GNAT3: variants seen among roughly 807,000 people sequenced by gnomAD.
The protein encoded by GNAT3 is G protein subunit alpha transducin 3.
A neutral mutation model predicts 37.7 loss-of-function variants in GNAT3; 31 were observed. The observed-to-expected ratio is 0.82, with a 90% CI of 0.62 to 1.11. GNAT3 has a LOEUF of 1.11. Ranked by LOEUF, GNAT3 falls within the 50% of genes most tolerant of loss-of-function variation. The pLI, the probability that GNAT3 is intolerant of heterozygous loss-of-function variation, is 0.00. For missense variants in GNAT3, 437 were observed against 412.5 expected (o/e 1.06, Z -0.51); for synonymous variants, 138 against 139.8 (o/e 0.99, Z 0.09).
At chr7:80,510,467 A>G (rs933631440) in intron 1 of GNAT3, among the ~76,000 whole-genome samples, 1 of 152,218 alleles carries the variant, frequency 6.6e-6, no homozygotes, top group Non-Finnish European at 1.5e-5. Context: ...CAAAAGGAAT[A>G]TAAAAATGAA....
chr7:80,459,920 A>G (rs987162036), intron 7 of GNAT3, among the ~76,000 whole-genome samples: 2 of 152,222 alleles, frequency 1.3e-5, no homozygotes, highest in African/African-American at 2.4e-5. Flanking sequence ...TTGAAAGGCA[A>G]TTTGGCAGTT....
intron 1 of GNAT3, among the ~76,000 whole-genome samples, chr7:80,510,904 A>G (rs556018732): frequency 2.6e-5 from 4 of 152,320 alleles, no homozygotes; most frequent in African/African-American, 9.6e-5. Context: ...AATATGCACG[A>G]TTCTGAAATA....
chr7:80,473,021 G>A (rs781195263), intron 5 of GNAT3, among the ~76,000 whole-genome samples: 11 of 152,084 alleles, frequency 7.2e-5, no homozygotes, highest in African/African-American at 2.7e-4. Flanking sequence ...GGGCAGAGGG[G>A]GAGAAACAAC....
rs139393695 is a variant in GNAT3 at position 80,471,981 on chromosome 7, TTACTC to T, written c.590+2265_590+2269del. On this transcript the variant is annotated intron_variant, in intron 5 of 7. Transcript: ENST00000398291. ...CATTCAGCAAAAATTACCTTCATTC[TTACTC>T]TATGCTAGCCACTATAATAAGCACT... 1.5e-3 allele frequency among the ~76,000 whole-genome samples: 225 copies of T among 152,184 alleles called. 3 individuals are homozygous for T. The East Asian group carries it at 0.038, about 26-fold the overall frequency.
chr7:80,493,679 TCC>T (rs1790646700), intron 2 of GNAT3, among the ~76,000 whole-genome samples: 2 of 137,798 alleles, frequency 1.5e-5, no homozygotes, highest in African/African-American at 5.9e-5. Context: ...TCTTTCCTCC[TCC>T]TCCTCTTTCC....
chr7:80,477,389 C>G lies in GNAT3; in HGVS notation c.461+1452G>C, dbSNP rs1002643752. ...AATGTTTTACTCCACTGCAGAGATC[C>G]CTTGTACTATTAAAATGTGGTAGGT... On this transcript the variant is annotated intron_variant, in intron 4 of 7. Coordinates refer to ENST00000398291, the MANE Select transcript of GNAT3 (RefSeq NM_001102386.3). Among the ~76,000 whole-genome samples, 4 of 152,140 alleles carry G rather than the reference C, an allele frequency of 2.6e-5. No individual in the cohort carries two copies. In the South Asian group the frequency reaches 8.3e-4, roughly 32 times the overall value.
chr7:80,473,984 T>G (rs1562722702), intron 5 of GNAT3, among the ~76,000 whole-genome samples: 1 of 152,146 alleles, frequency 6.6e-6, no homozygotes, highest in Non-Finnish European at 1.5e-5. Context: ...AGTGCCAGTT[T>G]TAAGCATGAG....
intron 2 of GNAT3, among the ~76,000 whole-genome samples, chr7:80,493,651 C>A (rs1316689549): frequency 8.0e-6 from 1 of 125,694 alleles, no homozygotes; most frequent in Non-Finnish European, 1.6e-5. Context: ...TCCTCCTCCT[C>A]CTCTTTCCTC....
chr7:80,463,385 G>C (rs1302638738), intron 5 of GNAT3, among the ~76,000 whole-genome samples: 1 of 152,008 alleles, frequency 6.6e-6, no homozygotes, highest in African/African-American at 2.4e-5. Flanking sequence ...TAAAAAGTTA[G>C]GTTGATATCA....
At chr7:80,462,086 G>T (rs776813050) in intron 7 of GNAT3, 73 bp downstream of exon 7, 15 of 965,888 alleles carry the variant, frequency 1.6e-5, no homozygotes, top group Non-Finnish European at 2.3e-5. Context: ...AGTATTAAAT[G>T]TCAAGATCCA....
intron 3 of GNAT3, among the ~76,000 whole-genome samples, chr7:80,482,058 T>C (rs1172906488): frequency 1.3e-5 from 2 of 152,180 alleles, no homozygotes; most frequent in Non-Finnish European, 2.9e-5. Flanking sequence ...CTTGGGCATA[T>C]GTTCTCAGGA....
At chr7:80,508,211 AT>A (rs1020133022) in intron 1 of GNAT3, among the ~76,000 whole-genome samples, 5 of 151,218 alleles carry the variant, frequency 3.3e-5, no homozygotes, top group African/African-American at 7.3e-5. Flanking sequence ...AAGAAAGCTA[AT>A]TTTTTTCCTA....
intron 5 of GNAT3, among the ~76,000 whole-genome samples, chr7:80,464,864 A>G (rs1326555918): frequency 6.6e-6 from 1 of 152,146 alleles, no homozygotes; most frequent in African/African-American, 2.4e-5. Context: ...GCAGTAGACT[A>G]AAAGAGAAGA....
chr7:80,479,710 CAAAAAAAAA>C (rs56730701), intron 3 of GNAT3, among the ~76,000 whole-genome samples: 1 of 79,460 alleles, frequency 1.3e-5, no homozygotes, highest in Non-Finnish European at 2.7e-5. Context: ...GACCCTGTCT[CAAAAAAAAA>C]AAAAAAAAAA....
chr7:80,474,452 CACAT>C, intron 4 of GNAT3, 73 bp from the exon 5 acceptor site: 2 of 618,226 alleles, frequency 3.2e-6, no homozygotes, highest in East Asian at 6.0e-5. Flanking sequence ...TATATATACA[CACAT>C]ACATACATAT....
rs184759815 is a variant in GNAT3, at chr7:80,471,573, G to A, written c.590+2678C>T. On this transcript the variant is annotated intron_variant, in intron 5 of 7. Coordinates refer to ENST00000398291, the MANE Select transcript of GNAT3 (RefSeq NM_001102386.3). The stretch of plus-strand genomic sequence containing the variant: ...CACATGACCCTCCAACTTAAAGATA[G>A]TTCCCCAAAAGGCTGTCATTTTATC... Among the ~76,000 whole-genome samples, 116 of 152,104 alleles carry A rather than the reference G, an allele frequency of 7.6e-4. No homozygotes were observed. In the East Asian group the frequency reaches 0.016, roughly 21 times the overall value.
At chr7:80,488,941 G>T (rs1231001456) in intron 2 of GNAT3, among the ~76,000 whole-genome samples, 1 of 151,994 alleles carries the variant, frequency 6.6e-6, no homozygotes, top group Non-Finnish European at 1.5e-5. Context: ...TTTAAAATGG[G>T]TAAATCATAA....
chr7:80,493,668 CTCTT>C (rs1790645144), intron 2 of GNAT3, among the ~76,000 whole-genome samples: 3 of 134,186 alleles, frequency 2.2e-5, no homozygotes, highest in African/African-American at 9.2e-5. Flanking sequence ...CCTCCTCCTC[CTCTT>C]TCCTCCTCCT....
intron 3 of GNAT3, among the ~76,000 whole-genome samples, chr7:80,482,813 G>C (rs2116179303): frequency 6.6e-6 from 1 of 150,646 alleles, no homozygotes; most frequent in Middle Eastern, 3.4e-3. Context: ...TTACAGGCGT[G>C]AACCACCATA....
Sources: gnomAD v4.1 joint callset for allele counts (sites outside exome capture counted in the v4.1 genomes callset) on GRCh38, gnomAD v4.1.1 for gene constraint, MANE v1.5 for transcripts, NCBI Gene and HGNC (gene_info 2026-07-23, HGNC 2026-07-21) for gene names.